The following SH3RF1 variants were observed in gnomAD, a reference collection of about 807,000 sequenced individuals.
The protein encoded by SH3RF1 is SH3 domain containing ring finger 1.
SH3RF1 carries 32 observed loss-of-function variants against 74.0 expected under a neutral mutation model. The observed-to-expected ratio is 0.43, with a 90% CI of 0.33 to 0.58. The LOEUF is 0.58. SH3RF1 is among the 20% of genes least tolerant of loss of function. The pLI is 0.05. For synonymous variants in SH3RF1, 396 were observed against 439.6 expected (o/e 0.90, Z 1.24); for missense variants, 954 against 1,130.9 (o/e 0.84, Z 2.24).
intron 2 of SH3RF1, among the ~76,000 whole-genome samples, chr4:169,160,598 A>C (rs113385619): frequency 6.6e-6 from 1 of 152,198 alleles, no homozygotes; most frequent in African/African-American, 2.4e-5. Flanking sequence ...ACCCATGAAC[A>C]AACATTTGTG....
chr4:169,124,029 C>A (rs975659343), intron 6 of SH3RF1, among the ~76,000 whole-genome samples: 1 of 152,158 alleles, frequency 6.6e-6, no homozygotes, highest in African/African-American at 2.4e-5. Context: ...TAAAGATAAT[C>A]CTGGTCACAG....
chr4:169,246,520 G>A (rs1730996615), intron 2 of SH3RF1, among the ~76,000 whole-genome samples: 2 of 152,216 alleles, frequency 1.3e-5, no homozygotes, highest in Admixed American at 1.3e-4. Context: ...AAAGGAGAAA[G>A]TAGAAAAAGA....
chr4:169,166,163 G>A (rs953784276), intron 2 of SH3RF1: 1 of 149,530 alleles, frequency 6.7e-6, no homozygotes, highest in Non-Finnish European at 1.5e-5. Flanking sequence ...ACCACAGATT[G>A]GGAAATATAT....
intron 7 of SH3RF1, among the ~76,000 whole-genome samples, chr4:169,121,360 A>G (rs1733433272): frequency 6.6e-6 from 1 of 152,242 alleles, no homozygotes; most frequent in Non-Finnish European, 1.5e-5. Flanking sequence ...AGGCTTGAGA[A>G]GTAGCCCCAA....
chr4:169,231,305 T>C (rs1730734446), intron 2 of SH3RF1, among the ~76,000 whole-genome samples: 1 of 152,202 alleles, frequency 6.6e-6, no homozygotes, highest in South Asian at 2.1e-4. Context: ...TGGTGGCTCA[T>C]GCCTGTAATC....
intron 11 of SH3RF1, among the ~76,000 whole-genome samples, chr4:169,097,174 A>G (rs1418605773): frequency 6.6e-6 from 1 of 152,166 alleles, no homozygotes; most frequent in Admixed American, 6.5e-5. Flanking sequence ...AAGCACACAG[A>G]GGTCAGGAAG....
chr4:169,149,766 T>C (rs1733947542), intron 4 of SH3RF1, among the ~76,000 whole-genome samples: 1 of 152,212 alleles, frequency 6.6e-6, no homozygotes, highest in Non-Finnish European at 1.5e-5. Context: ...TATCCAAAAG[T>C]ATAAATGATG....
At position 169,146,094 on chromosome 4, in the gene SH3RF1, CTA is replaced by C. The variant is rs945429025; in HGVS notation, c.765+9384_765+9385del. On this transcript the variant is annotated intron_variant, in intron 4 of 11. Transcript: ENST00000284637. ...TAAAATATTATATATTCTATATATT[CTA>C]TATAAAATGTTATATATTCTATATA... is the stretch of plus-strand genomic sequence containing the variant. Among the ~76,000 whole-genome samples, 50 of 114,276 alleles carry C rather than the reference CTA, an allele frequency of 4.4e-4. 2 individuals carry two copies. In the East Asian group the frequency reaches 0.012, roughly 27 times the overall value. 75.0% of individuals were successfully genotyped at this position (114,276 alleles called of 152,430 possible).
chr4:169,242,161 T>C (rs1730923446), intron 2 of SH3RF1, among the ~76,000 whole-genome samples: 1 of 152,156 alleles, frequency 6.6e-6, no homozygotes, highest in Non-Finnish European at 1.5e-5. Context: ...ATTATAATGC[T>C]AAATGATTCT....
chr4:169,106,801 C>T (rs1174640250), intron 11 of SH3RF1, 46 bp downstream of exon 11: 1 of 1,407,098 alleles, frequency 7.1e-7, no homozygotes, highest in East Asian at 2.3e-5. Context: ...AGCCTAAAGC[C>T]TATTGTTCAT....
intron 2 of SH3RF1, among the ~76,000 whole-genome samples, chr4:169,177,029 T>C (rs762502342): frequency 6.6e-6 from 1 of 152,152 alleles, no homozygotes; most frequent in Non-Finnish European, 1.5e-5. Context: ...TGGCATTCTT[T>C]AGGAGGCTGG....
Position 169,184,430 on chromosome 4 carries a change from T to A in SH3RF1, c.394-27751A>T, listed in dbSNP as rs117436542. On this transcript the variant is annotated intron_variant, in intron 2 of 11. Transcript: ENST00000284637. The stretch of plus-strand genomic sequence containing the variant: ...CATGTAACCAACATGGGCTGTGAAG[T>A]CAGTCAGACCCGGGCTTGCATCCAG... Among the ~76,000 whole-genome samples, 132 of 152,278 alleles carry A rather than the reference T, an allele frequency of 8.7e-4. No individual in the cohort carries two copies. The East Asian group carries it at 0.023, about 27-fold the overall frequency.
intron 2 of SH3RF1, among the ~76,000 whole-genome samples, chr4:169,179,257 A>G (rs1322894014): frequency 1.3e-5 from 2 of 152,224 alleles, no homozygotes; most frequent in African/African-American, 2.4e-5. Flanking sequence ...GAGGACCACA[A>G]GCCAAAGGAT....
intron 2 of SH3RF1, among the ~76,000 whole-genome samples, chr4:169,174,258 C>G (rs991346527): frequency 6.6e-6 from 1 of 152,120 alleles, no homozygotes; most frequent in African/African-American, 2.4e-5. Context: ...GGTAGGGTCT[C>G]TCTATGTTGC....
intron 2 of SH3RF1, 118 bp downstream of exon 2, chr4:169,268,702 C>G: frequency 9.2e-7 from 1 of 1,087,744 alleles, no homozygotes; most frequent in Non-Finnish European, 1.3e-6. Flanking sequence ...TCTATCTGTT[C>G]CAGTATGTAT....
At chr4:169,228,838 C>A (rs901772475) in intron 2 of SH3RF1, among the ~76,000 whole-genome samples, 1 of 152,064 alleles carries the variant, frequency 6.6e-6, no homozygotes, top group Non-Finnish European at 1.5e-5. Flanking sequence ...ATTTCCCTGC[C>A]CTAATTTGAT....
At chr4:169,192,917 T>C (rs540796821) in intron 2 of SH3RF1, among the ~76,000 whole-genome samples, 2,648 of 111,240 alleles carry the variant, frequency 0.024, 75 homozygotes, top group African/African-American at 0.068. Flanking sequence ...ATCATATATA[T>C]GTGATATATA....
chr4:169,157,319 T>A (rs377638572), intron 2 of SH3RF1, among the ~76,000 whole-genome samples: 11 of 152,332 alleles, frequency 7.2e-5, no homozygotes, highest in African/African-American at 2.6e-4. Flanking sequence ...AAGTTTATAA[T>A]CTGTAAGTGT....
At chr4:169,231,553 G>A (rs939176686) in intron 2 of SH3RF1, among the ~76,000 whole-genome samples, 5 of 151,810 alleles carry the variant, frequency 3.3e-5, no homozygotes, top group South Asian at 2.1e-4. Context: ...GTGACACAGC[G>A]AGACTCCGTC....
Sources: allele counts gnomAD v4.1 joint callset (sites outside exome capture counted in the v4.1 genomes callset), GRCh38; gene constraint gnomAD v4.1.1; transcripts MANE v1.5; gene names NCBI Gene and HGNC (gene_info 2026-07-23, HGNC 2026-07-21).